The following RFC3 variants were observed in gnomAD, a reference collection of about 807,000 sequenced individuals.
RFC3 encodes the protein replication factor C subunit 3, also known as A1 38 kDa subunit.
A neutral mutation model predicts 45.1 loss-of-function variants in RFC3; 41 were observed. The observed-to-expected ratio is 0.91, with a 90% CI of 0.71 to 1.18. RFC3 has a LOEUF of 1.18. Among genes scored for constraint, RFC3 ranks in the 50% most tolerant of loss-of-function variants. The pLI is 0.00. For missense variants in RFC3, 423 were observed against 428.1 expected (o/e 0.99, Z 0.10); for synonymous variants, 149 against 144.0 (o/e 1.03, Z -0.25).
intron 8 of RFC3, among the ~76,000 whole-genome samples, chr13:33,961,113 T>C (rs2083054602): frequency 6.6e-6 from 1 of 152,234 alleles, no homozygotes; most frequent in African/African-American, 2.4e-5. Flanking sequence ...TTGTTGTCTA[T>C]ATGAAACTCA....
intron 8 of RFC3, among the ~76,000 whole-genome samples, chr13:33,880,370 C>G (rs1273464250): frequency 3.3e-5 from 5 of 152,038 alleles, no homozygotes; most frequent in African/African-American, 1.2e-4. Context: ...AAATAGAGTA[C>G]TAAACTTAGG....
At chr13:33,899,707 A>G (rs1487917281) in intron 8 of RFC3, among the ~76,000 whole-genome samples, 2 of 151,988 alleles carry the variant, frequency 1.3e-5, no homozygotes, top group Non-Finnish European at 2.9e-5. Flanking sequence ...AAAAAAATAA[A>G]GAGCATCCTA....
intron 8 of RFC3, among the ~76,000 whole-genome samples, chr13:33,941,742 C>G (rs1240838206): frequency 2.8e-5 from 4 of 145,266 alleles, no homozygotes; most frequent in Non-Finnish European, 6.1e-5. Flanking sequence ...TTTTTTTCTT[C>G]TTAGTGTTTA....
chr13:33,879,891 T>C (rs1056052015), intron 8 of RFC3, among the ~76,000 whole-genome samples: 2 of 152,210 alleles, frequency 1.3e-5, no homozygotes, highest in African/African-American at 4.8e-5. Context: ...AGAGATGGCC[T>C]GCATTTCTGG....
intron 8 of RFC3, among the ~76,000 whole-genome samples, chr13:33,909,086 A>G (rs994042555): frequency 4.6e-5 from 7 of 152,132 alleles, no homozygotes; most frequent in Non-Finnish European, 8.8e-5. Context: ...AAGTTAACAT[A>G]TAAAATTAAC....
chr13:33,918,942 CTG>C (rs2082750352), intron 8 of RFC3, among the ~76,000 whole-genome samples: 1 of 152,104 alleles, frequency 6.6e-6, no homozygotes. Context: ...TAGTTAACCT[CTG>C]TAATTCGAAG....
intron 8 of RFC3, among the ~76,000 whole-genome samples, chr13:33,868,824 A>G (rs1445617311): frequency 1.3e-5 from 2 of 152,194 alleles, no homozygotes; most frequent in African/African-American, 4.8e-5. Context: ...TCAAAATATC[A>G]AGAACCTGGA....
intron 8 of RFC3, among the ~76,000 whole-genome samples, chr13:33,907,947 T>C (rs1406402302): frequency 1.3e-5 from 2 of 152,036 alleles, no homozygotes; most frequent in Non-Finnish European, 1.5e-5. Flanking sequence ...TCTTTCTTTT[T>C]TTTTCATAGG....
chr13:33,899,003 C>A (rs1230200918), intron 8 of RFC3, among the ~76,000 whole-genome samples: 15 of 151,470 alleles, frequency 9.9e-5, no homozygotes, highest in African/African-American at 3.1e-4. Flanking sequence ...GAGATCAAAG[C>A]TGTAATAAAA....
intron 8 of RFC3, among the ~76,000 whole-genome samples, chr13:33,905,348 T>C (rs1214354386): frequency 2.0e-5 from 3 of 152,110 alleles, no homozygotes; most frequent in African/African-American, 4.8e-5. Flanking sequence ...CAATCACAGA[T>C]AGCCAGGTGA....
intron 8 of RFC3, chr13:33,849,197 A>G (rs1850954737): frequency 6.6e-6 from 1 of 152,210 alleles, no homozygotes; most frequent in Non-Finnish European, 1.5e-5. Flanking sequence ...AGTCCAGGCA[A>G]ACTAAACAGT....
intron 8 of RFC3, among the ~76,000 whole-genome samples, chr13:33,871,438 C>T (rs1387229244): frequency 6.6e-6 from 1 of 152,154 alleles, no homozygotes; most frequent in Non-Finnish European, 1.5e-5. Flanking sequence ...CAACTTCTTG[C>T]TTTTATCATC....
At chr13:33,917,814 G>A (rs180693652) in intron 8 of RFC3, among the ~76,000 whole-genome samples, 17 of 151,940 alleles carry the variant, frequency 1.1e-4, no homozygotes, top group African/African-American at 3.4e-4. Flanking sequence ...TACTCCACTA[G>A]CAGCTTTCAG....
At chr13:33,957,466 G>C (rs893568734) in intron 8 of RFC3, among the ~76,000 whole-genome samples, 8 of 152,184 alleles carry the variant, frequency 5.3e-5, no homozygotes, top group African/African-American at 1.9e-4. Flanking sequence ...ATGCAGAGCA[G>C]TGTGGTTGGT....
intron 8 of RFC3, among the ~76,000 whole-genome samples, chr13:33,913,810 C>T (rs2137708976): frequency 6.6e-6 from 1 of 152,210 alleles, no homozygotes; most frequent in Non-Finnish European, 1.5e-5. Context: ...ATGTTTACTA[C>T]AGCAGCAGGG....
At chr13:33,911,228 A>C (rs1315097672) in intron 8 of RFC3, among the ~76,000 whole-genome samples, 1 of 152,136 alleles carries the variant, frequency 6.6e-6, no homozygotes, top group Non-Finnish European at 1.5e-5. Flanking sequence ...GACTAAGGTC[A>C]AACAGCTGGT....
intron 8 of RFC3, among the ~76,000 whole-genome samples, chr13:33,959,005 A>T (rs1293645065): frequency 6.6e-6 from 1 of 152,218 alleles, no homozygotes. Context: ...AAAATTCTGC[A>T]TTTAAATAGC....
At chr13:33,932,720 C>G (rs2082860319) in intron 8 of RFC3, among the ~76,000 whole-genome samples, 1 of 152,134 alleles carries the variant, frequency 6.6e-6, no homozygotes, top group African/African-American at 2.4e-5. Context: ...AATGCATGGT[C>G]CACATGCATA....
intron 8 of RFC3, among the ~76,000 whole-genome samples, chr13:33,945,954 T>TA (rs2082951808): frequency 6.6e-6 from 1 of 152,238 alleles, no homozygotes; most frequent in Non-Finnish European, 1.5e-5. Context: ...TTCTTTGTGA[T>TA]ATGCCTTTTG....
Sources: gnomAD v4.1 joint callset for allele counts (sites outside exome capture counted in the v4.1 genomes callset) on GRCh38, gnomAD v4.1.1 for gene constraint, MANE v1.5 for transcripts, NCBI Gene and HGNC (gene_info 2026-07-23, HGNC 2026-07-21) for gene names.